MIOS: variants seen among roughly 807,000 people sequenced by gnomAD.
MIOS encodes the protein meiosis regulator for oocyte development, also known as GATOR2 complex protein MIOS.
A neutral mutation model predicts 96.9 loss-of-function variants in MIOS; 52 were observed. That is an observed-to-expected ratio of 0.54 (90% CI 0.43 to 0.68). The LOEUF (loss-of-function observed/expected upper bound fraction) is 0.68, where lower values mean the gene tolerates loss of function less well. Among genes scored for constraint, MIOS ranks in the 30% least tolerant of loss-of-function variants. The pLI is 0.00. For synonymous variants in MIOS, 397 were observed against 359.5 expected (o/e 1.10, Z -1.18); for missense variants, 1,005 against 1,052.8 (o/e 0.95, Z 0.63).
Position 7,607,036 on chromosome 7 carries a change from T to C in MIOS, c.2572T>C (p.Cys858Arg). The change falls in exon 13 of 13, where the codon TGT (cysteine) becomes CGT (arginine). Residue 858 changes from cysteine to arginine, a missense_variant. Physicochemically the swap from Cys to Arg is radical, Grantham distance 180. Transcript: ENST00000340080. ...CCCTGTGTCGGCATGCACGTGTAAATGTATGCAGTTGGATACAACAGGGAA... is the reference window on the plus strand; with the variant it reads ...CCCTGTGTCGGCATGCACGTGTAAACGTATGCAGTTGGATACAACAGGGAA... ...ECPVSACTCK[C>R]MQLDTTGNLV... is the part of the protein sequence containing the mutation. The C allele has an allele frequency of 6.2e-7, 1 of 1,613,254 alleles. No homozygotes were observed.
At chr7:7,574,392 G>C (rs954253818) in intron 5 of MIOS, among the ~76,000 whole-genome samples, 196 bp downstream of exon 5, 37 of 151,912 alleles carry the variant, frequency 2.4e-4, no homozygotes, top group South Asian at 2.1e-3. Context: ...CTTTTTGCAG[G>C]GAGTCTTAAT....
chr7:7,583,347 G>T lies in MIOS; in HGVS notation c.1623G>T (p.Leu541=), dbSNP rs775774052. The change falls in exon 6 of 13, where the codon CTG becomes CTT. Residue 541 remains leucine, a synonymous_variant. Transcript: ENST00000340080. ...ATATTCGCCGAGCAATCCAAATCCT[G>T]AATGAAGGGGCATCTTCTGAAAAAG... ...NLDIRRAIQI[L]NEGASSEKGD... is the part of the protein sequence containing the mutation. 1.9e-6 allele frequency: 3 copies of T among 1,607,726 alleles called. No homozygotes were observed. The highest frequency in any genetic ancestry group is 2.6e-6 in the Non-Finnish European group (3 of 1,176,250).
At chr7:7,571,980 A>T (rs757017192) in intron 3 of MIOS, among the ~76,000 whole-genome samples, 3 of 152,192 alleles carry the variant, frequency 2.0e-5, no homozygotes, top group African/African-American at 7.2e-5. Flanking sequence ...TGGCTACCAT[A>T]TTGGACAGCA....
intron 11 of MIOS, among the ~76,000 whole-genome samples, chr7:7,597,360 AT>A (rs1784233736): frequency 6.7e-6 from 1 of 148,606 alleles, no homozygotes; most frequent in Non-Finnish European, 1.5e-5. Flanking sequence ...TAATTAAAAA[AT>A]AATAATAAAT....
chr7:7,600,104 A>G (rs1466523222), intron 11 of MIOS, among the ~76,000 whole-genome samples: 3 of 152,122 alleles, frequency 2.0e-5, no homozygotes, highest in African/African-American at 7.2e-5. Flanking sequence ...CCGTACACCA[A>G]AACCCCCATG....
In MIOS at chr7:7,574,182, TA is replaced by T; in HGVS notation, c.1382del (p.Lys461SerfsTer26). 6.2e-7 allele frequency: 1 copy of T among 1,606,188 alleles called. No homozygotes were observed. The highest frequency in any genetic ancestry group is 8.5e-7 in the Non-Finnish European group (1 of 1,175,822). ...SLVYAGIKSI[V>X]KSSLGMVESS... is the part of the protein sequence containing the mutation. ...GTTTATGCAGGAATTAAATCAATTGTAAAGTCATCGTTGGGTAAGAAAATTC... is the reference window on the plus strand; with the variant it reads ...GTTTATGCAGGAATTAAATCAATTGTAAGTCATCGTTGGGTAAGAAAATTC... On this transcript the variant is annotated frameshift_variant, in exon 5 of 13. Coordinates refer to ENST00000340080, the MANE Select transcript of MIOS (RefSeq NM_019005.4).
rs1312028834 is a variant in MIOS at position 7,574,099 on chromosome 7, T to TA, written c.1297dup (p.Met433AsnfsTer25). On this transcript the variant is annotated frameshift_variant and splice_region_variant, in exon 5 of 13. Transcript: ENST00000340080. LOFTEE classifies it high-confidence loss of function. ...AGTATTTCCTATGCATTTAAATACT[T>TA]ATGAAGCAATACACAGAAGATATGG... is the stretch of plus-strand genomic sequence containing the variant. The TA allele has an allele frequency of 6.3e-7, 1 of 1,594,836 alleles. No homozygotes were observed. The highest frequency in any genetic ancestry group is 8.6e-7 in the Non-Finnish European group (1 of 1,168,110).
chr7:7,573,784 G>C lies in MIOS; in HGVS notation c.1294+15G>C, dbSNP rs768397487. 3.2e-6 allele frequency: 5 copies of C among 1,545,340 alleles called. No individual in the cohort carries two copies. In the African/African-American group the frequency reaches 6.9e-5, roughly 21 times the overall value. On this transcript the variant is annotated intron_variant, in intron 4 of 12. Transcript: ENST00000340080. This position sits in a 1 kb window ranked among gnomAD's most constrained non-coding sequence, Gnocchi z 5.0. The stretch of plus-strand genomic sequence containing the variant: ...TACTCTGCACTATATCCTTTTCATT[G>C]TGAATTTTGTGAGGTGAATCAGGTA...
intron 3 of MIOS, among the ~76,000 whole-genome samples, chr7:7,568,449 G>A (rs139532257): frequency 2.0e-5 from 3 of 152,114 alleles, no homozygotes; most frequent in Admixed American, 1.3e-4. Flanking sequence ...ATGTTCATGA[G>A]CAAGGAACTG....
At chr7:7,577,786 G>A (rs1465362906) in intron 5 of MIOS, among the ~76,000 whole-genome samples, 4 of 152,180 alleles carry the variant, frequency 2.6e-5, no homozygotes, top group Admixed American at 2.0e-4. Flanking sequence ...AAGGAGCAGG[G>A]AGGTCGTAGG....
At chr7:7,586,756 G>A (rs893874116) in intron 7 of MIOS, among the ~76,000 whole-genome samples, 1 of 151,894 alleles carries the variant, frequency 6.6e-6, no homozygotes, top group African/African-American at 2.4e-5. Context: ...AAATTAATAC[G>A]TATAATGTTA....
chr7:7,605,957 A>G lies in MIOS; in HGVS notation c.2417A>G (p.Asp806Gly). ...TTTGTCATAGGAGGAACCAAATCAG[A>G]TGAAAAAGTGGACTTGAGCAAGGAC... ...VSSCPGGTKS[D>G]EKVDLSKDKK... The change falls in exon 12 of 13, where the codon GAT becomes GGT. Residue 806 changes from aspartate to glycine, a missense_variant. This residue lies in a region of MIOS where 865 missense variants were observed against 887.9 expected (regional missense o/e 0.97). Coordinates refer to ENST00000340080, the MANE Select transcript of MIOS (RefSeq NM_019005.4). 2 of 1,613,712 alleles carry G rather than the reference A, an allele frequency of 1.2e-6. No homozygotes were observed. The highest frequency in any genetic ancestry group is 1.3e-5 in the African/African-American group (1 of 75,050).
At chr7:7,599,324 A>G (rs1583655768) in intron 11 of MIOS, among the ~76,000 whole-genome samples, 2 of 152,322 alleles carry the variant, frequency 1.3e-5, no homozygotes, top group South Asian at 4.1e-4. Flanking sequence ...ACTTCCCTCA[A>G]GGTGTACATA....
At chr7:7,569,475 C>G (rs12535954) in intron 3 of MIOS, among the ~76,000 whole-genome samples, 145,051 of 152,320 alleles carry the variant, frequency 0.95, 69,173 homozygotes, top group East Asian at 1. Context: ...TCCTAGGGAG[C>G]GTAGAAGTGG....
In MIOS at chr7:7,596,480, A is replaced by G. The variant is rs769952557; in HGVS notation, c.2401+19A>G. ...TGTCCTGGTATGACATAATTTTACA[A>G]AATACTTTTATGAACTGAAATGATT... On this transcript the variant is annotated intron_variant, in intron 11 of 12. Coordinates refer to ENST00000340080, the MANE Select transcript of MIOS (RefSeq NM_019005.4). 17 of 1,594,034 alleles carry G rather than the reference A, an allele frequency of 1.1e-5. No individual in the cohort carries two copies. Among genetic ancestry groups the G allele is most frequent in the Non-Finnish European group, 1.4e-5 (16 of 1,163,048 alleles).
At chr7:7,598,405 A>G (rs1304283726) in intron 11 of MIOS, among the ~76,000 whole-genome samples, 1 of 152,128 alleles carries the variant, frequency 6.6e-6, no homozygotes, top group Non-Finnish European at 1.5e-5. Flanking sequence ...TTCCATCTAG[A>G]TGCTTTTTTT....
chr7:7,598,181 G>A (rs900937239), intron 11 of MIOS, among the ~76,000 whole-genome samples: 2 of 152,146 alleles, frequency 1.3e-5, no homozygotes, highest in African/African-American at 2.4e-5. Flanking sequence ...ATAAAGAACT[G>A]GTTAGAGTGT....
rs1218922695 is a variant in MIOS, at chr7:7,573,665, G to A, written c.1190G>A (p.Arg397Gln). 1 of 1,613,870 alleles carries A rather than the reference G, an allele frequency of 6.2e-7. No individual in the cohort carries two copies. The highest frequency in any genetic ancestry group is 2.2e-5 in the East Asian group (1 of 44,878). ...EKDIATKMRLRALSRYGLDTE... is the reference protein window; with the variant it reads ...EKDIATKMRLQALSRYGLDTE... ...GATATAGCAACGAAGATGCGTCTTCGGGCTTTATCAAGGTATGGACTTGAT... is the reference window on the plus strand; with the variant it reads ...GATATAGCAACGAAGATGCGTCTTCAGGCTTTATCAAGGTATGGACTTGAT... The change falls in exon 4 of 13, where the codon CGG becomes CAG. Residue 397 changes from arginine to glutamine, a missense_variant. By Grantham distance (43) the Arg-to-Gln change is conservative. Transcript: ENST00000340080. The surrounding 1 kb of genome is among the most constrained non-coding windows in gnomAD (Gnocchi z 5.0).
intron 9 of MIOS, 84 bp from the exon 10 acceptor site, chr7:7,594,896 T>C (rs1376734718): frequency 9.5e-7 from 1 of 1,055,170 alleles, no homozygotes; most frequent in Non-Finnish European, 1.3e-6. Context: ...TCTTCTGTGT[T>C]ACTCATACTT....
Sources: allele counts gnomAD v4.1 joint callset (sites outside exome capture counted in the v4.1 genomes callset), GRCh38; gene constraint gnomAD v4.1.1; regional missense constraint gnomAD v4.1.1; non-coding constraint Gnocchi (gnomAD v3.1); transcripts MANE v1.5; gene names NCBI Gene and HGNC (gene_info 2026-07-23, HGNC 2026-07-21).